The following RPH3AL variants were observed in gnomAD, a reference collection of about 807,000 sequenced individuals.
RPH3AL encodes the protein rabphilin 3A like (without C2 domains).
A neutral mutation model predicts 43.1 loss-of-function variants in RPH3AL; 38 were observed. The ratio of observed to expected loss-of-function variants is 0.88; its 90% CI spans 0.68 to 1.15. The LOEUF is 1.15. Ranked by LOEUF, RPH3AL falls within the 50% of genes most tolerant of loss-of-function variation. The pLI, the probability that RPH3AL is intolerant of heterozygous loss-of-function variation, is 0.00. For missense variants in RPH3AL, 462 were observed against 423.2 expected (o/e 1.09, Z -0.81); for synonymous variants, 189 against 176.3 (o/e 1.07, Z -0.57).
chr17:279,492 C>T lies in RPH3AL; in HGVS notation c.438+2276G>A, dbSNP rs563842199. Among the ~76,000 whole-genome samples the T allele has an allele frequency of 3.3e-5, 5 of 152,292 alleles. No homozygotes were observed. In the South Asian group the frequency reaches 6.2e-4, roughly 19 times the overall value. Reference sequence around the variant, plus strand: ...TAAGAAAATTCATCCTAAGCTATTTCGGACTTTTCTGGGCACTGGAGCCCT... The same window carrying T: ...TAAGAAAATTCATCCTAAGCTATTTTGGACTTTTCTGGGCACTGGAGCCCT... On this transcript the variant is annotated intron_variant, in intron 6 of 9. Coordinates refer to ENST00000331302, the MANE Select transcript of RPH3AL (RefSeq NM_006987.4).
rs908006248 is a variant in RPH3AL, at chr17:245,606, C to T, written c.613+1505G>A. The stretch of plus-strand genomic sequence containing the variant: ...AACTGGCTCCAAGCAGCATTTTAAA[C>T]CCACAGGTGTCCACCAGCTTCTGCT... On this transcript the variant is annotated intron_variant, in intron 7 of 9. Coordinates refer to ENST00000331302, the MANE Select transcript of RPH3AL (RefSeq NM_006987.4). This position sits in a 1 kb window ranked among gnomAD's most constrained non-coding sequence, Gnocchi z 5.9. Among the ~76,000 whole-genome samples the T allele has an allele frequency of 2.6e-5, 4 of 152,096 alleles. No individual in the cohort carries two copies. The highest frequency in any genetic ancestry group is 2.1e-4 in the South Asian group (1 of 4,814).
intron 5 of RPH3AL, among the ~76,000 whole-genome samples, chr17:307,130 A>ATCCTCCCCATGGCAGG (rs1296521901): frequency 7.4e-6 from 1 of 134,456 alleles, no homozygotes; most frequent in East Asian, 2.3e-4. Flanking sequence ...CCCACAGCAG[A>ATCCTCCCCATGGCAGG]TCCTCCCCAT....
chr17:349,924 G>A (rs904816997), intron 1 of RPH3AL, among the ~76,000 whole-genome samples: 3 of 152,176 alleles, frequency 2.0e-5, no homozygotes, highest in African/African-American at 4.8e-5. Context: ...GCTGTGCCCA[G>A]CACACCACAG....
chr17:330,762 G>T (rs778295957), intron 2 of RPH3AL, among the ~76,000 whole-genome samples: 40 of 152,010 alleles, frequency 2.6e-4, no homozygotes, highest in Non-Finnish European at 5.7e-4. Flanking sequence ...TGTAATCCCA[G>T]CTATTCGGGA....
chr17:231,430 C>T (rs1369103070), intron 7 of RPH3AL, among the ~76,000 whole-genome samples: 2 of 152,218 alleles, frequency 1.3e-5, no homozygotes, highest in Non-Finnish European at 2.9e-5. Context: ...GGACCACCAG[C>T]GGGAAATCAG....
intron 5 of RPH3AL, among the ~76,000 whole-genome samples, chr17:299,698 G>A (rs1055107051): frequency 2.0e-5 from 3 of 152,236 alleles, no homozygotes; most frequent in Non-Finnish European, 4.4e-5. Flanking sequence ...GGGCACGGCC[G>A]ACGAGGTGTG....
At chr17:286,848 A>G (rs1429554946) in intron 5 of RPH3AL, among the ~76,000 whole-genome samples, 3 of 152,128 alleles carry the variant, frequency 2.0e-5, no homozygotes, top group East Asian at 3.9e-4. Flanking sequence ...GTGTTAAACG[A>G]TGAAGCTTCT....
At chr17:216,805 A>T (rs1303482261) in intron 8 of RPH3AL, among the ~76,000 whole-genome samples, 1 of 152,164 alleles carries the variant, frequency 6.6e-6, no homozygotes, top group Non-Finnish European at 1.5e-5. Context: ...TTCTGAGGGC[A>T]CATCAGGGCT....
rs369115456 is a variant in RPH3AL, at chr17:277,614, C to T, written c.438+4154G>A. Among the ~76,000 whole-genome samples, 20 of 152,252 alleles carry T rather than the reference C, an allele frequency of 1.3e-4. No individual in the cohort carries two copies. The East Asian group carries it at 2.3e-3, about 18-fold the overall frequency. On this transcript the variant is annotated intron_variant, in intron 6 of 9. Transcript: ENST00000331302. ...AGAGGGGGAGATCGGATTCTGTCTC[C>T]GCTTTACTCAAGACCCTCCAAGGGC...
rs368589666 is a variant in RPH3AL, at chr17:273,583, T to A, written c.438+8185A>T. On this transcript the variant is annotated intron_variant, in intron 6 of 9. Transcript: ENST00000331302. ...GACCCCAGCGAGGGTGACGTCAGGGTGAGACCCCGGCGAGGGCGACGTCAG... is the reference window on the plus strand; with the variant it reads ...GACCCCAGCGAGGGTGACGTCAGGGAGAGACCCCGGCGAGGGCGACGTCAG... 9.3e-4 allele frequency among the ~76,000 whole-genome samples: 21 copies of A among 22,584 alleles called. 5 individuals carry two copies. The highest frequency in any genetic ancestry group is 5.2e-3 in the African/African-American group (20 of 3,870). The allele number at this position is 22,584 out of a possible 152,430, so 14.8% of individuals were successfully genotyped here.
intron 1 of RPH3AL, among the ~76,000 whole-genome samples, chr17:349,879 A>C (rs1370062446): frequency 1.3e-5 from 2 of 152,130 alleles, no homozygotes; most frequent in Non-Finnish European, 2.9e-5. Flanking sequence ...CTCCACTGCA[A>C]TCCCATCGAG....
At chr17:316,006 C>T (rs1167331081) in intron 5 of RPH3AL, among the ~76,000 whole-genome samples, 5 of 147,826 alleles carry the variant, frequency 3.4e-5, no homozygotes, top group Admixed American at 1.3e-4. Flanking sequence ...CCTCCATTGA[C>T]CTGTAGTCCC....
At chr17:241,357 C>T (rs543587570) in intron 7 of RPH3AL, among the ~76,000 whole-genome samples, 10 of 152,192 alleles carry the variant, frequency 6.6e-5, no homozygotes, top group African/African-American at 2.2e-4. Flanking sequence ...GATTGTGCCA[C>T]GGCACTCCAT....
intron 2 of RPH3AL, chr17:332,804 C>A: frequency 3.0e-6 from 1 of 335,138 alleles, no homozygotes; most frequent in Non-Finnish European, 5.8e-6. Flanking sequence ...CTGAGACCTC[C>A]TGGTGCCACC....
At chr17:277,909 C>T (rs545630723) in intron 6 of RPH3AL, among the ~76,000 whole-genome samples, 29 of 151,930 alleles carry the variant, frequency 1.9e-4, no homozygotes, top group Non-Finnish European at 1.2e-4. Flanking sequence ...GAGCTGAGAT[C>T]GTGGCACTGC....
rs750373570 is a variant in RPH3AL, at chr17:219,685, T to G, written c.665A>C (p.Glu222Ala). Residue 222 changes from glutamate (E) to alanine (A), a missense_variant, in exon 8 of 10, where the codon GAG (glutamate) becomes GCG (alanine). By Grantham distance (107) the Glu-to-Ala change is moderately radical (BLOSUM62 -1). Coordinates refer to ENST00000331302, the MANE Select transcript of RPH3AL (RefSeq NM_006987.4). ...GACCCCAGTGGATGGGAGTCTGTCC[T>G]CTAGGCTGGAGGAGCTAAGATCCGA... The part of the protein sequence containing the change: ...SDSDLSSSSL[E>A]DRLPSTGVRD... The G allele has an allele frequency of 1.2e-6, 2 of 1,613,630 alleles. No homozygotes were observed. The highest frequency in any genetic ancestry group is 1.7e-6 in the Non-Finnish European group (2 of 1,179,914).
At chr17:222,440 A>T (rs1418548103) in intron 7 of RPH3AL, among the ~76,000 whole-genome samples, 1 of 152,186 alleles carries the variant, frequency 6.6e-6, no homozygotes, top group Non-Finnish European at 1.5e-5. Flanking sequence ...TGCGGAAGGG[A>T]ACCAGACGGA....
At chr17:305,963 A>C (rs1288635481) in intron 5 of RPH3AL, among the ~76,000 whole-genome samples, 3 of 150,744 alleles carry the variant, frequency 2.0e-5, no homozygotes, top group East Asian at 3.9e-4. Flanking sequence ...AGGCTCAAGC[A>C]ATCCTCAGCC....
Position 285,956 on chromosome 17 carries a change from C to T in RPH3AL, c.352-4102G>A, listed in dbSNP as rs558955060. ...GCACCCGTGAGGGGCACAGGCCTGG[C>T]GTGACAGGACACGGATGAACAGGGT... On this transcript the variant is annotated intron_variant, in intron 5 of 9. Coordinates refer to ENST00000331302, the MANE Select transcript of RPH3AL (RefSeq NM_006987.4). 7.2e-4 allele frequency among the ~76,000 whole-genome samples: 109 copies of T among 152,314 alleles called. 1 individual carries two copies. Among genetic ancestry groups the T allele is most frequent in the Middle Eastern group, 3.4e-3 (1 of 294 alleles).
Sources: allele counts gnomAD v4.1 joint callset (sites outside exome capture counted in the v4.1 genomes callset), GRCh38; gene constraint gnomAD v4.1.1; non-coding constraint Gnocchi (gnomAD v3.1); transcripts MANE v1.5; gene names NCBI Gene and HGNC (gene_info 2026-07-23, HGNC 2026-07-21).